The following PLCL2 variants were observed in gnomAD, a reference collection of about 807,000 sequenced individuals.
PLCL2 encodes the protein phospholipase C like 2.
PLCL2 carries 4 observed loss-of-function variants against 79.6 expected under a neutral mutation model. The observed-to-expected ratio is 0.05, with a 90% CI of 0.02 to 0.11. The LOEUF (loss-of-function observed/expected upper bound fraction) is 0.11. Ranked by LOEUF, PLCL2 falls within the 10% of genes least tolerant of loss-of-function variation. The probability of loss-of-function intolerance (pLI) is 1.00; values close to 1 mark genes in which losing one functional copy is unlikely to be tolerated. For synonymous variants in PLCL2, 484 were observed against 457.7 expected (o/e 1.06, Z -0.73); for missense variants, 895 against 1,291.0 (o/e 0.69, Z 4.70).
intron 1 of PLCL2, among the ~76,000 whole-genome samples, chr3:16,939,926 A>G (rs530721488): frequency 1.3e-5 from 2 of 152,340 alleles, no homozygotes; most frequent in Non-Finnish European, 2.9e-5. Context: ...ACCCAGGCAC[A>G]TGAGTGGTGG....
In PLCL2 at chr3:17,030,334, A is replaced by G. The variant is rs531863817; in HGVS notation, c.3019-12540A>G. ...GAACATAATAAATACTCAATAAATC[A>G]TTGTCATTATGATTGTCATTATTAG... On this transcript the variant is annotated intron_variant, in intron 3 of 5. Transcript: ENST00000615277. Among the ~76,000 whole-genome samples, 263 of 152,188 alleles carry G rather than the reference A, an allele frequency of 1.7e-3. 3 individuals carry two copies. Among genetic ancestry groups the G allele is most frequent in the South Asian group, 2.9e-3 (14 of 4,818 alleles).
At chr3:17,066,672 C>T (rs1399173330) in intron 4 of PLCL2, among the ~76,000 whole-genome samples, 1 of 152,194 alleles carries the variant, frequency 6.6e-6, no homozygotes, top group African/African-American at 2.4e-5. Context: ...AGTTCATCTA[C>T]ACATTGGAGT....
chr3:17,027,275 A>G (rs1156858782), intron 3 of PLCL2, among the ~76,000 whole-genome samples: 1 of 152,222 alleles, frequency 6.6e-6, no homozygotes, highest in Non-Finnish European at 1.5e-5. Context: ...GAAAGCTGAG[A>G]ATGGTTTTTA....
chr3:17,039,430 T>C (rs1010522418), intron 3 of PLCL2, among the ~76,000 whole-genome samples: 7 of 152,228 alleles, frequency 4.6e-5, no homozygotes, highest in Admixed American at 3.9e-4. Flanking sequence ...CTAGAGGAGC[T>C]CTTAGACTCA....
chr3:16,989,548 T>G (rs865776710), intron 1 of PLCL2, among the ~76,000 whole-genome samples: 2 of 152,190 alleles, frequency 1.3e-5, no homozygotes, highest in Non-Finnish European at 1.5e-5. Context: ...ATATTTTGAG[T>G]TAAATAAAAT....
intron 1 of PLCL2, among the ~76,000 whole-genome samples, chr3:16,910,575 A>C (rs183320928): frequency 6.6e-6 from 1 of 151,746 alleles, no homozygotes; most frequent in Non-Finnish European, 1.5e-5. Context: ...CCTTCTTTCT[A>C]TCTGTTCACA....
Position 17,009,718 on chromosome 3 carries a change from C to CAATG in PLCL2, c.373_374insATGA (p.Ser125AsnfsTer15). ...GGGAACGGAAAAAGACAGTCTCATT[C>CAATG]AGCAGCATGCCAACAGAGAAGAAGA... On this transcript the variant is annotated frameshift_variant, in exon 2 of 6. Coordinates refer to ENST00000615277, the MANE Select transcript of PLCL2 (RefSeq NM_001144382.2). LOFTEE classifies it high-confidence loss of function. The surrounding 1 kb of genome is among the most constrained non-coding windows in gnomAD (Gnocchi z 4.0). 1 of 1,608,928 alleles carries CAATG rather than the reference C, an allele frequency of 6.2e-7. No individual in the cohort carries two copies. The highest frequency in any genetic ancestry group is 8.5e-7 in the Non-Finnish European group (1 of 1,175,556).
At chr3:17,038,928 G>T (rs896682982) in intron 3 of PLCL2, among the ~76,000 whole-genome samples, 2 of 152,168 alleles carry the variant, frequency 1.3e-5, no homozygotes, top group African/African-American at 4.8e-5. Flanking sequence ...CCAGTTTCAT[G>T]ACTTACTAAT....
At chr3:17,067,083 A>T (rs1449922149) in intron 4 of PLCL2, among the ~76,000 whole-genome samples, 3 of 152,206 alleles carry the variant, frequency 2.0e-5, no homozygotes, top group Non-Finnish European at 4.4e-5. Context: ...AAAAAGAAAC[A>T]CATGACCTAA....
chr3:17,046,777 G>C (rs1012515060), intron 4 of PLCL2, among the ~76,000 whole-genome samples: 3 of 152,124 alleles, frequency 2.0e-5, no homozygotes, highest in Non-Finnish European at 2.9e-5. Flanking sequence ...GCTGGTCTTG[G>C]GGGGCCTGAC....
chr3:16,969,869 C>T (rs531787852), intron 1 of PLCL2, among the ~76,000 whole-genome samples: 13 of 151,554 alleles, frequency 8.6e-5, no homozygotes, highest in Middle Eastern at 3.4e-3. Flanking sequence ...TTAATGTGGG[C>T]GTTTATCTGT....
intron 1 of PLCL2, among the ~76,000 whole-genome samples, chr3:16,898,346 G>T (rs1323827602): frequency 6.6e-6 from 1 of 151,980 alleles, no homozygotes; most frequent in Non-Finnish European, 1.5e-5. Flanking sequence ...TATTTACCAA[G>T]TGAAGAATAA....
chr3:16,908,679 G>A (rs1696805975), intron 1 of PLCL2, among the ~76,000 whole-genome samples: 1 of 152,204 alleles, frequency 6.6e-6, no homozygotes, highest in African/African-American at 2.4e-5. Flanking sequence ...AGCACAGCAT[G>A]TTTGGTGGAG....
chr3:16,951,860 G>C (rs1244838495), intron 1 of PLCL2, among the ~76,000 whole-genome samples: 1 of 152,044 alleles, frequency 6.6e-6, no homozygotes, highest in Non-Finnish European at 1.5e-5. Context: ...TTTTCTGTTT[G>C]GGAATGTTTT....
At chr3:16,917,239 A>G (rs1697018762) in intron 1 of PLCL2, among the ~76,000 whole-genome samples, 1 of 152,156 alleles carries the variant, frequency 6.6e-6, no homozygotes, top group African/African-American at 2.4e-5. Context: ...CTATCTGGTT[A>G]CCTAACCAAT....
At chr3:17,046,769 T>C (rs1358891817) in intron 4 of PLCL2, among the ~76,000 whole-genome samples, 2 of 152,120 alleles carry the variant, frequency 1.3e-5, no homozygotes, top group African/African-American at 4.8e-5. Context: ...AATCTGAAGC[T>C]GGTCTTGGGG....
intron 1 of PLCL2, among the ~76,000 whole-genome samples, chr3:17,000,956 A>AT (rs1443217758): frequency 1.3e-5 from 2 of 152,030 alleles, no homozygotes; most frequent in East Asian, 1.9e-4. Context: ...GGATTACTGG[A>AT]TTATATGGTA....
At chr3:17,089,379 GTTTTT>G (rs930963319) in intron 5 of PLCL2, among the ~76,000 whole-genome samples, 3 of 149,144 alleles carry the variant, frequency 2.0e-5, no homozygotes, top group Non-Finnish European at 4.5e-5. Context: ...AAAATAAAAA[GTTTTT>G]TTTTTAATCA....
intron 5 of PLCL2, among the ~76,000 whole-genome samples, chr3:17,087,350 A>T (rs1203052397): frequency 2.0e-5 from 3 of 152,286 alleles, no homozygotes; most frequent in Non-Finnish European, 4.4e-5. Context: ...CTATCAAGCC[A>T]TGAGACGACA....
Sources: gnomAD v4.1 joint callset for allele counts (sites outside exome capture counted in the v4.1 genomes callset) on GRCh38, gnomAD v4.1.1 for gene constraint, Gnocchi (gnomAD v3.1) non-coding constraint, MANE v1.5 for transcripts, NCBI Gene and HGNC (gene_info 2026-07-23, HGNC 2026-07-21) for gene names.